The following AMPH variants were observed in gnomAD, a reference collection of about 807,000 sequenced individuals.
The protein encoded by AMPH is amphiphysin.
In AMPH, 49 loss-of-function variants were observed where a neutral mutation model predicts 99.1. That is an observed-to-expected ratio of 0.49 (90% CI 0.39 to 0.63). The LOEUF is 0.63. Among genes scored for constraint, AMPH ranks in the 20% least tolerant of loss-of-function variants. The pLI is 0.00. For missense variants in AMPH, 759 were observed against 863.4 expected (o/e 0.88, Z 1.52); for synonymous variants, 314 against 317.3 (o/e 0.99, Z 0.11).
intron 19 of AMPH, 28 bp from the exon 20 acceptor site, chr7:38,389,933 C>G (rs1324835604): frequency 1.3e-6 from 2 of 1,545,544 alleles, no homozygotes; most frequent in African/African-American, 2.7e-5. Context: ...ACATAAAAAT[C>G]AATTTCCCAG....
chr7:38,421,657 T>C (rs1293158527), intron 16 of AMPH, among the ~76,000 whole-genome samples: 1 of 152,174 alleles, frequency 6.6e-6, no homozygotes, highest in Non-Finnish European at 1.5e-5. Context: ...GCATCCAATA[T>C]GAAAGGCAGG....
chr7:38,464,094 C>T (rs1787559740), intron 9 of AMPH: 1 of 1,289,700 alleles, frequency 7.8e-7, no homozygotes, highest in African/African-American at 1.5e-5. Flanking sequence ...CTCACCACCT[C>T]ATTCTGCAGA....
chr7:38,631,253 C>A, intron 1 of AMPH, 30 bp downstream of exon 1: 1 of 1,505,530 alleles, frequency 6.6e-7, no homozygotes. Flanking sequence ...CTGGCGTCCC[C>A]GGCCCCAGCC....
At chr7:38,614,283 T>C (rs10244201) in intron 1 of AMPH, among the ~76,000 whole-genome samples, 5,399 of 152,240 alleles carry the variant, frequency 0.035, 377 homozygotes, top group African/African-American at 0.12. Context: ...ATCTCTGACA[T>C]ATAGTAAGGA....
At chr7:38,511,505 A>G (rs1001090463) in intron 2 of AMPH, among the ~76,000 whole-genome samples, 3 of 152,240 alleles carry the variant, frequency 2.0e-5, no homozygotes, top group African/African-American at 7.2e-5. Context: ...AAAAGAACCA[A>G]CTAACAATGG....
At chr7:38,445,010 T>TATATATATATATATATATAGACACACAC (rs1458295332) in intron 11 of AMPH, among the ~76,000 whole-genome samples, 3 of 125,984 alleles carry the variant, frequency 2.4e-5, no homozygotes, top group South Asian at 2.8e-4. Context: ...TATATATATA[T>TATATATATATATATATATAGACACACAC]ACACACACAC....
At chr7:38,523,800 C>T (rs1946158049) in intron 2 of AMPH, among the ~76,000 whole-genome samples, 1 of 152,068 alleles carries the variant, frequency 6.6e-6, no homozygotes, top group East Asian at 1.9e-4. Flanking sequence ...ATCAGAGTAA[C>T]AGCTGATTTA....
chr7:38,527,451 A>G (rs1023637523), intron 2 of AMPH, among the ~76,000 whole-genome samples: 7 of 152,144 alleles, frequency 4.6e-5, no homozygotes, highest in African/African-American at 1.7e-4. Context: ...AAGCATATAG[A>G]TCCTGTATGT....
intron 11 of AMPH, among the ~76,000 whole-genome samples, chr7:38,443,352 T>C (rs1786632165): frequency 6.6e-6 from 1 of 152,084 alleles, no homozygotes; most frequent in Non-Finnish European, 1.5e-5. Context: ...TTCAATTCAT[T>C]CAATACCATT....
chr7:38,417,779 C>T (rs1204060436), intron 17 of AMPH, 46 bp downstream of exon 17: 1 of 1,606,498 alleles, frequency 6.2e-7, no homozygotes, highest in Non-Finnish European at 8.5e-7. Context: ...ATGAGCATGG[C>T]TGTGGCAGCG....
chr7:38,461,178 T>G, intron 11 of AMPH, 105 bp downstream of exon 11: 1 of 1,319,710 alleles, frequency 7.6e-7, no homozygotes, highest in Non-Finnish European at 1.1e-6. Context: ...ACAATTAAAA[T>G]TATGTTGTTG....
At chr7:38,434,275 CTCTTAG>C (rs1286051988) in intron 12 of AMPH, among the ~76,000 whole-genome samples, 1 of 152,146 alleles carries the variant, frequency 6.6e-6, no homozygotes, top group Non-Finnish European at 1.5e-5. Context: ...TTTGAAGAAT[CTCTTAG>C]TCATAAGGCC....
At chr7:38,466,731 G>A (rs1224732149) in intron 7 of AMPH, among the ~76,000 whole-genome samples, 1 of 152,044 alleles carries the variant, frequency 6.6e-6, no homozygotes, top group Admixed American at 6.5e-5. Flanking sequence ...ACTATAAATG[G>A]TCTAGTTATT....
chr7:38,584,753 G>A (rs566259112), intron 1 of AMPH, among the ~76,000 whole-genome samples: 208 of 152,272 alleles, frequency 1.4e-3, no homozygotes, highest in Middle Eastern at 3.4e-3. Flanking sequence ...TGCACTCTCC[G>A]GGGCACACGG....
chr7:38,428,165 A>G (rs889688657), intron 14 of AMPH: 3 of 456,618 alleles, frequency 6.6e-6, no homozygotes, highest in Admixed American at 4.7e-5. Context: ...AATCCAGACA[A>G]CTGGCAAATC....
chr7:38,417,697 G>A (rs1785430869), intron 17 of AMPH, 128 bp downstream of exon 17: 1 of 1,227,198 alleles, frequency 8.1e-7, no homozygotes, highest in Non-Finnish European at 1.1e-6. Flanking sequence ...TTTGAACCTG[G>A]GAGCTACGAC....
At chr7:38,538,071 A>T (rs1790680448) in intron 1 of AMPH, among the ~76,000 whole-genome samples, 1 of 152,216 alleles carries the variant, frequency 6.6e-6, no homozygotes, top group South Asian at 2.1e-4. Context: ...TTTCACAAAA[A>T]GTTTTCATCA....
Position 38,476,887 on chromosome 7 carries a change from C to T in AMPH, c.479G>A (p.Arg160Lys). The T allele has an allele frequency of 6.2e-7, 1 of 1,613,714 alleles. No homozygotes were observed. Among genetic ancestry groups the T allele is most frequent in the Non-Finnish European group, 8.5e-7 (1 of 1,179,772 alleles). Residue 160 changes from arginine to lysine, a missense_variant, in exon 6 of 21, where the codon AGG becomes AAG. By Grantham distance (26) the Arg-to-Lys change is conservative. Coordinates refer to ENST00000356264, the MANE Select transcript of AMPH (RefSeq NM_001635.4). ...HHLEALQSSK[R>K]KDESRISKAE... ...CTTAGAGATTCGACTCTCATCCTTC[C>T]TCTTGGAGCTCTGCAGAGCTTCCAG...
Position 38,414,971 on chromosome 7 carries a change from A to AT in AMPH, c.1398+2853dup, listed in dbSNP as rs35687877. On this transcript the variant is annotated intron_variant, in intron 17 of 20. Transcript: ENST00000356264. Reference sequence around the variant, plus strand: ...GAGCCACCACACCTGGCCCCAAATCATTTTTTTTCTAACAAATATTTTCAT... The same window carrying AT: ...GAGCCACCACACCTGGCCCCAAATCATTTTTTTTTCTAACAAATATTTTCAT... Among the ~76,000 whole-genome samples the AT allele has an allele frequency of 5.6e-4, 85 of 151,990 alleles. 1 individual carries two copies. The highest frequency in any genetic ancestry group is 2.0e-3 in the African/African-American group (81 of 41,458).
Sources: gnomAD v4.1 joint callset for allele counts (sites outside exome capture counted in the v4.1 genomes callset) on GRCh38, gnomAD v4.1.1 for gene constraint, MANE v1.5 for transcripts, NCBI Gene and HGNC (gene_info 2026-07-23, HGNC 2026-07-21) for gene names.